The following RPS6KC1 variants were observed in gnomAD, a reference collection of about 807,000 sequenced individuals.
The protein encoded by RPS6KC1 is inactive ribosomal protein S6 kinase delta-1.
In RPS6KC1, 54 loss-of-function variants were observed where a neutral mutation model predicts 103.8. The ratio of observed to expected loss-of-function variants is 0.52; its 90% confidence interval spans 0.42 to 0.65. RPS6KC1 has a LOEUF of 0.65. Ranked by LOEUF, RPS6KC1 falls within the 30% of genes least tolerant of loss-of-function variation. The pLI is 0.00. For synonymous variants in RPS6KC1, 439 were observed against 438.7 expected, an observed-to-expected ratio of 1.00 and a Z score of -0.01; for missense variants, 1,151 against 1,253.8, an observed-to-expected ratio of 0.92 and a Z score of 1.24.
rs1347822237 is a variant in RPS6KC1, at chr1:213,241,825, T to C, written c.2349T>C (p.His783=). 13 of 1,613,984 alleles carry C rather than the reference T, an allele frequency of 8.1e-6. No individual in the cohort carries two copies. Among genetic ancestry groups the C allele is most frequent in the Non-Finnish European group, 1.1e-5 (13 of 1,179,938 alleles). ...TGTTATTTGTAGCAGCTGTTGATCATAGTAGTTCAGGAGATATGTCTTTGT... is the reference window on the plus strand; with the variant it reads ...TGTTATTTGTAGCAGCTGTTGATCACAGTAGTTCAGGAGATATGTCTTTGT... ...PRMLFVAAVD[H]SSSGDMSLLP... is the part of the protein sequence containing the mutation. Residue 783 remains histidine (H), a synonymous_variant, in exon 11 of 15, where the codon CAT becomes CAC. Transcript: ENST00000366960.
chr1:213,236,896 A>G (rs919643566), intron 10 of RPS6KC1, among the ~76,000 whole-genome samples: 1 of 152,194 alleles, frequency 6.6e-6, no homozygotes, highest in Admixed American at 6.5e-5. Flanking sequence ...TTATAAAACT[A>G]ATTTATAAAA....
the RPS6KC1 span, among the ~76,000 whole-genome samples, chr1:213,803,538 C>T: frequency 2.0e-5 from 3 of 152,142 alleles, no homozygotes; most frequent in Non-Finnish European, 2.9e-5. Context: ...TGAGCCCCCA[C>T]ACCCAGCCAA....
At chr1:213,083,602 T>G (rs2080108308) in intron 3 of RPS6KC1, among the ~76,000 whole-genome samples, 1 of 152,110 alleles carries the variant, frequency 6.6e-6, no homozygotes, top group African/African-American at 2.4e-5. Flanking sequence ...TTAGATGAGA[T>G]TCTAGACTTT....
At chr1:213,141,851 T>C (rs553117474) in intron 6 of RPS6KC1, among the ~76,000 whole-genome samples, 17 of 152,080 alleles carry the variant, frequency 1.1e-4, no homozygotes, top group African/African-American at 4.1e-4. Context: ...TCATTAGTTT[T>C]GTTGGGTGGA....
the RPS6KC1 span, among the ~76,000 whole-genome samples, chr1:213,511,614 C>T: frequency 5.3e-5 from 8 of 152,300 alleles, no homozygotes; most frequent in Non-Finnish European, 4.4e-5. Flanking sequence ...TAATCCAGAC[C>T]TCTGGCACCC....
intron 8 of RPS6KC1, among the ~76,000 whole-genome samples, chr1:213,215,922 A>T (rs2093646249): frequency 6.6e-6 from 1 of 152,218 alleles, no homozygotes; most frequent in African/African-American, 2.4e-5. Flanking sequence ...CACTGCAAAA[A>T]CATGCCAAAT....
the RPS6KC1 span, among the ~76,000 whole-genome samples, chr1:213,708,810 A>G: frequency 6.6e-6 from 1 of 152,264 alleles, no homozygotes; most frequent in South Asian, 2.1e-4. Flanking sequence ...TGAGATAATC[A>G]TGTGGTTTTT....
At chr1:213,764,653 C>T in the RPS6KC1 span, among the ~76,000 whole-genome samples, 32 of 152,184 alleles carry the variant, frequency 2.1e-4, 1 homozygote, top group South Asian at 2.9e-3. Flanking sequence ...TTTCAGTGGA[C>T]GCTCTTGGGG....
the RPS6KC1 span, among the ~76,000 whole-genome samples, chr1:213,477,766 G>A: frequency 1.3e-5 from 2 of 152,184 alleles, no homozygotes; most frequent in Non-Finnish European, 2.9e-5. Flanking sequence ...GCAAAATTGA[G>A]TCAGAGGTAC....
At chr1:213,720,737 T>C in the RPS6KC1 span, among the ~76,000 whole-genome samples, 3 of 152,218 alleles carry the variant, frequency 2.0e-5, no homozygotes, top group Non-Finnish European at 2.9e-5. Context: ...AGAACACTTT[T>C]GCAAAAGAAA....
intron 1 of RPS6KC1, among the ~76,000 whole-genome samples, chr1:213,063,512 G>A (rs1391928170): frequency 6.6e-6 from 1 of 152,170 alleles, no homozygotes; most frequent in Non-Finnish European, 1.5e-5. Context: ...CTTTTGCTGT[G>A]AGACATTGTT....
Position 213,157,783 on chromosome 1 carries a change from T to C in RPS6KC1, c.836-10075T>C, listed in dbSNP as rs56333225. ...CTAGCGATTATTGAGACATATCTGA[T>C]GAATATTGTTGAATTGTCTGTTTCC... On this transcript the variant is annotated intron_variant, in intron 6 of 14. Coordinates refer to ENST00000366960, the MANE Select transcript of RPS6KC1 (RefSeq NM_012424.6). Among the ~76,000 whole-genome samples, 308 of 152,346 alleles carry C rather than the reference T, an allele frequency of 2.0e-3. 2 individuals carry two copies. The highest frequency in any genetic ancestry group is 6.7e-3 in the African/African-American group (280 of 41,574).
At chr1:213,846,856 CAATTTAT>C in the RPS6KC1 span, among the ~76,000 whole-genome samples, 1,340 of 152,188 alleles carry the variant, frequency 8.8e-3, 33 homozygotes, top group African/African-American at 0.031. Flanking sequence ...GAAATTTATC[CAATTTAT>C]AAGCTCTTAA....
intron 8 of RPS6KC1, among the ~76,000 whole-genome samples, chr1:213,220,948 T>G (rs2093816492): frequency 1.3e-5 from 2 of 152,190 alleles, no homozygotes; most frequent in African/African-American, 4.8e-5. Flanking sequence ...AAAGTGGTAT[T>G]TTGTGGATTT....
chr1:213,550,226 C>T, the RPS6KC1 span, among the ~76,000 whole-genome samples: 27 of 152,300 alleles, frequency 1.8e-4, no homozygotes, highest in African/African-American at 6.5e-4. Context: ...ACATGGGTAA[C>T]ATTGCGGTGT....
the RPS6KC1 span, among the ~76,000 whole-genome samples, chr1:213,375,532 G>C: frequency 2.6e-5 from 4 of 152,154 alleles, no homozygotes; most frequent in African/African-American, 9.7e-5. Flanking sequence ...GAAATCACTT[G>C]CCATCGGATC....
chr1:213,755,183 G>A, the RPS6KC1 span, among the ~76,000 whole-genome samples: 1 of 152,156 alleles, frequency 6.6e-6, no homozygotes, highest in Non-Finnish European at 1.5e-5. Context: ...GACCAAGCTA[G>A]CCTCTGCTCA....
chr1:213,712,079 G>A, the RPS6KC1 span, among the ~76,000 whole-genome samples: 1 of 152,222 alleles, frequency 6.6e-6, no homozygotes, highest in African/African-American at 2.4e-5. Flanking sequence ...GAGCAAGCAG[G>A]CAGGAACGTT....
the RPS6KC1 span, among the ~76,000 whole-genome samples, chr1:213,524,656 G>C: frequency 3.9e-5 from 6 of 152,322 alleles, no homozygotes; most frequent in Admixed American, 6.5e-5. Flanking sequence ...AGAATGCTGA[G>C]ACTCAGTCTT....
Sources: allele counts gnomAD v4.1 joint callset (sites outside exome capture counted in the v4.1 genomes callset), GRCh38; gene constraint gnomAD v4.1.1; transcripts MANE v1.5; gene names NCBI Gene and HGNC (gene_info 2026-07-23, HGNC 2026-07-21).